MAGI3: variants seen among roughly 807,000 people sequenced by gnomAD.
MAGI3 encodes the protein membrane associated guanylate kinase, WW and PDZ domain containing 3.
Under a neutral mutation model 121.8 loss-of-function variants are expected in MAGI3, and 43 were observed. The observed-to-expected ratio is 0.35, with a 90% CI of 0.28 to 0.46. The LOEUF (loss-of-function observed/expected upper bound fraction) is 0.46. Among genes scored for constraint, MAGI3 ranks in the 20% least tolerant of loss-of-function variants. The pLI is 1.00. For synonymous variants in MAGI3, 553 were observed against 639.3 expected (o/e 0.86, Z 2.04); for missense variants, 1,547 against 1,797.3 (o/e 0.86, Z 2.52).
At chr1:113,533,639 A>G (rs927846256) in intron 1 of MAGI3, among the ~76,000 whole-genome samples, 12 of 152,188 alleles carry the variant, frequency 7.9e-5, no homozygotes, top group African/African-American at 2.9e-4. Context: ...CTATATATCT[A>G]TTAATTTAAA....
Position 113,391,189 on chromosome 1 carries a change from C to G in MAGI3, c.156C>G (p.Pro52=), listed in dbSNP as rs571273017. 1 of 1,551,480 alleles carries G rather than the reference C, an allele frequency of 6.4e-7. No homozygotes were observed. Among genetic ancestry groups the G allele is most frequent in the African/African-American group, 1.4e-5 (1 of 73,072 alleles). Residue 52 remains proline, a synonymous_variant, in exon 1 of 21, where the codon CCC becomes CCG. Coordinates refer to ENST00000307546, the MANE Select transcript of MAGI3 (RefSeq NM_001142782.2). This position sits in a 1 kb window ranked among gnomAD's most constrained non-coding sequence, Gnocchi z 4.4. ...ACCTGGGGCGGCTCCGCGAGGAGCC[C>G]GGCGGGGGCACCTGCTGCGTCGTCT... ...FPYLGRLREE[P]GGGTCCVVSG...
intron 6 of MAGI3, among the ~76,000 whole-genome samples, chr1:113,597,135 A>G (rs1649067403): frequency 1.3e-5 from 2 of 152,238 alleles, no homozygotes; most frequent in South Asian, 4.1e-4. Flanking sequence ...AATACTATTG[A>G]GCAATAAAAA....
intron 1 of MAGI3, among the ~76,000 whole-genome samples, chr1:113,447,492 T>C (rs895557592): frequency 1.3e-5 from 2 of 152,170 alleles, no homozygotes; most frequent in African/African-American, 4.8e-5. Flanking sequence ...GGAATTAAAC[T>C]TCAACGTAAC....
At chr1:113,596,598 A>G (rs1344248995) in intron 6 of MAGI3, among the ~76,000 whole-genome samples, 1 of 152,246 alleles carries the variant, frequency 6.6e-6, no homozygotes. Flanking sequence ...AATTAAATTC[A>G]GAATCTATAA....
intron 1 of MAGI3, among the ~76,000 whole-genome samples, chr1:113,494,587 G>A (rs1656827759): frequency 6.6e-6 from 1 of 152,162 alleles, no homozygotes; most frequent in Non-Finnish European, 1.5e-5. Flanking sequence ...GCTAAATGAT[G>A]TATCCCAATA....
chr1:113,646,501 G>C lies in MAGI3; in HGVS notation c.2014G>C (p.Glu672Gln). 6.3e-7 allele frequency: 1 copy of C among 1,592,032 alleles called. No homozygotes were observed. The highest frequency in any genetic ancestry group is 8.5e-7 in the Non-Finnish European group (1 of 1,172,164). ...KTAKMKTDKK[E>Q]NAGSLEAINE... ...TCCATTTCAGAAAACAGATAAAAAG[G>C]AAAATGCAGGAAGTTTGGAGGCCAT... Residue 672 changes from glutamate (E) to glutamine (Q), a missense_variant, in exon 12 of 21, where the codon GAA becomes CAA. Physicochemically the swap from Glu to Gln is conservative, Grantham distance 29. Transcript: ENST00000307546.
At chr1:113,641,482 T>A (rs1652529814) in intron 9 of MAGI3, among the ~76,000 whole-genome samples, 1 of 151,910 alleles carries the variant, frequency 6.6e-6, no homozygotes, top group African/African-American at 2.4e-5. Flanking sequence ...CATACAGATA[T>A]ATAAATAAAA....
intron 6 of MAGI3, among the ~76,000 whole-genome samples, chr1:113,613,730 G>A (rs902855234): frequency 6.6e-6 from 1 of 152,082 alleles, no homozygotes; most frequent in Non-Finnish European, 1.5e-5. Context: ...TATATAAAAT[G>A]GATAGGACTA....
intron 9 of MAGI3, among the ~76,000 whole-genome samples, chr1:113,639,052 A>G (rs149332329): frequency 0.021 from 3,267 of 152,212 alleles, 117 homozygotes; most frequent in African/African-American, 0.074. Context: ...GCGGCATATA[A>G]TCTCCTGGTG....
At chr1:113,476,783 C>T (rs1321538226) in intron 1 of MAGI3, among the ~76,000 whole-genome samples, 7 of 152,252 alleles carry the variant, frequency 4.6e-5, no homozygotes, top group African/African-American at 7.2e-5. Context: ...TCCTTGTTAA[C>T]CTTCTGTCTC....
rs192032172 is a variant in MAGI3, at chr1:113,626,967, T to G, written c.1360+3973T>G. ...ATTTCTACTCTTTCTGCTTTTCTTCTATTAATCTAGAGCTTAGTTTTCTCT... is the reference window on the plus strand; with the variant it reads ...ATTTCTACTCTTTCTGCTTTTCTTCGATTAATCTAGAGCTTAGTTTTCTCT... On this transcript the variant is annotated intron_variant, in intron 9 of 20. Coordinates refer to ENST00000307546, the MANE Select transcript of MAGI3 (RefSeq NM_001142782.2). Among the ~76,000 whole-genome samples the G allele has an allele frequency of 1.2e-4, 18 of 152,170 alleles. No homozygotes were observed. In the East Asian group the frequency reaches 3.5e-3, roughly 29 times the overall value.
intron 1 of MAGI3, among the ~76,000 whole-genome samples, chr1:113,531,489 C>G (rs894711055): frequency 6.6e-6 from 1 of 152,146 alleles, no homozygotes; most frequent in African/African-American, 2.4e-5. Context: ...ATGAGACTAT[C>G]TGTTTCTTCC....
intron 1 of MAGI3, among the ~76,000 whole-genome samples, chr1:113,440,088 C>T (rs533968115): frequency 6.6e-6 from 1 of 152,098 alleles, no homozygotes; most frequent in South Asian, 2.1e-4. Flanking sequence ...TCTGTTTCCC[C>T]CCTTTAAAAA....
Position 113,450,255 on chromosome 1 carries a change from G to A in MAGI3, c.316+58906G>A, listed in dbSNP as rs1654409464. On this transcript the variant is annotated intron_variant, in intron 1 of 20. Coordinates refer to ENST00000307546, the MANE Select transcript of MAGI3 (RefSeq NM_001142782.2). The stretch of plus-strand genomic sequence containing the variant: ...AGGCCCTTTCTAAACAAGAGATGCA[G>A]TCTGCTGGATCACAGAGAGGTCGTG... 3.7e-6 allele frequency: 6 copies of A among 1,602,128 alleles called. No homozygotes were observed. The South Asian group carries it at 4.4e-5, about 12-fold the overall frequency.
chr1:113,599,258 T>A (rs1304433882), intron 6 of MAGI3, among the ~76,000 whole-genome samples: 1 of 151,804 alleles, frequency 6.6e-6, no homozygotes, highest in Non-Finnish European at 1.5e-5. Flanking sequence ...AAAAAACCCT[T>A]CAAAAAATTA....
At chr1:113,450,293 G>C in intron 1 of MAGI3, 1 of 1,572,952 alleles carries the variant, frequency 6.4e-7, no homozygotes, top group South Asian at 1.1e-5. Flanking sequence ...GGTGGATCTG[G>C]CAATTTTATG....
rs1251886271 is a variant in MAGI3, at chr1:113,553,748, C to T, written c.433+4117C>T. ...GATAGTGTCTGGGCTCAGTGGCTCA[C>T]GCCTGTAATCCCAGCACTTTGGGAG... On this transcript the variant is annotated intron_variant, in intron 2 of 20. Transcript: ENST00000307546. Among the ~76,000 whole-genome samples the T allele has an allele frequency of 3.3e-5, 5 of 152,334 alleles. No individual in the cohort carries two copies. The East Asian group carries it at 9.6e-4, about 29-fold the overall frequency.
intron 1 of MAGI3, among the ~76,000 whole-genome samples, chr1:113,487,389 A>T (rs899104178): frequency 6.6e-6 from 1 of 152,220 alleles, no homozygotes; most frequent in East Asian, 1.9e-4. Flanking sequence ...GTATACAATA[A>T]TTTTAACTGG....
chr1:113,668,315 C>T (rs1468044758), intron 16 of MAGI3, among the ~76,000 whole-genome samples: 2 of 152,096 alleles, frequency 1.3e-5, no homozygotes, highest in East Asian at 3.8e-4. Context: ...AAATGTAATT[C>T]TCATCGAAGG....
Sources: gnomAD v4.1 joint callset for allele counts (sites outside exome capture counted in the v4.1 genomes callset) on GRCh38, gnomAD v4.1.1 for gene constraint, Gnocchi (gnomAD v3.1) non-coding constraint, MANE v1.5 for transcripts, NCBI Gene and HGNC (gene_info 2026-07-23, HGNC 2026-07-21) for gene names.